ADGRA3: variants seen among roughly 807,000 people sequenced by gnomAD.
ADGRA3 encodes the protein G-protein coupled receptor 125.
In ADGRA3, 56 loss-of-function variants were observed where a neutral mutation model predicts 119.8. The ratio of observed to expected loss-of-function variants is 0.47; its 90% CI spans 0.38 to 0.58. The LOEUF is 0.58. ADGRA3 is among the 20% of genes least tolerant of loss of function. ADGRA3 has a pLI of 0.00. For synonymous variants in ADGRA3, 607 were observed against 623.8 expected (o/e 0.97, Z 0.40); for missense variants, 1,516 against 1,649.0 (o/e 0.92, Z 1.40).
chr4:22,498,426 C>T (rs1222297463), intron 1 of ADGRA3, among the ~76,000 whole-genome samples: 1 of 151,484 alleles, frequency 6.6e-6, no homozygotes, highest in Non-Finnish European at 1.5e-5. Flanking sequence ...CAAGACCAGC[C>T]AGACCAACTT....
intron 12 of ADGRA3, chr4:22,420,284 G>A (rs913181630): frequency 6.6e-6 from 1 of 152,160 alleles, no homozygotes; most frequent in Non-Finnish European, 1.5e-5. Context: ...TCCTCTATTT[G>A]CTTCAATACA....
At chr4:22,432,269 C>A (rs955266123) in intron 10 of ADGRA3, among the ~76,000 whole-genome samples, 1 of 152,106 alleles carries the variant, frequency 6.6e-6, no homozygotes, top group Admixed American at 6.6e-5. Flanking sequence ...CCATTTCAGA[C>A]CTGCTGAAAT....
At chr4:22,477,107 T>C (rs1348622446) in intron 1 of ADGRA3, among the ~76,000 whole-genome samples, 1 of 152,176 alleles carries the variant, frequency 6.6e-6, no homozygotes, top group Non-Finnish European at 1.5e-5. Context: ...TGAGTTTATT[T>C]TGAGTGTATC....
At chr4:22,512,457 A>G (rs1719481582) in intron 1 of ADGRA3, among the ~76,000 whole-genome samples, 2 of 152,200 alleles carry the variant, frequency 1.3e-5, no homozygotes, top group Non-Finnish European at 2.9e-5. Flanking sequence ...ATAGAAAGAA[A>G]TGTCCAAGTC....
intron 14 of ADGRA3, among the ~76,000 whole-genome samples, chr4:22,409,638 A>G (rs964686116): frequency 6.6e-6 from 1 of 152,176 alleles, no homozygotes; most frequent in Non-Finnish European, 1.5e-5. Flanking sequence ...TGGCTGACAC[A>G]TAAGTGCTTA....
intron 1 of ADGRA3, among the ~76,000 whole-genome samples, chr4:22,508,468 C>T (rs1172144098): frequency 6.6e-6 from 1 of 152,192 alleles, no homozygotes; most frequent in African/African-American, 2.4e-5. Flanking sequence ...GTGTTTACAA[C>T]GTAACACTGC....
intron 16 of ADGRA3, chr4:22,398,056 T>C: frequency 1.0e-6 from 1 of 985,004 alleles, no homozygotes; most frequent in Non-Finnish European, 1.2e-6. Flanking sequence ...AGAGGAGCTA[T>C]CTTCTACACA....
chr4:22,495,142 C>T (rs1718766619), intron 1 of ADGRA3, among the ~76,000 whole-genome samples: 1 of 151,986 alleles, frequency 6.6e-6, no homozygotes, highest in Non-Finnish European at 1.5e-5. Flanking sequence ...CATCTAATAA[C>T]CAAGCCAGCT....
At chr4:22,510,578 A>G (rs574407918) in intron 1 of ADGRA3, among the ~76,000 whole-genome samples, 1 of 152,036 alleles carries the variant, frequency 6.6e-6, no homozygotes, top group East Asian at 1.9e-4. Flanking sequence ...TGTGTTTGAA[A>G]TACCACATAC....
At chr4:22,489,353 A>G (rs1168319869) in intron 1 of ADGRA3, among the ~76,000 whole-genome samples, 5 of 152,196 alleles carry the variant, frequency 3.3e-5, no homozygotes, top group Admixed American at 6.5e-5. Flanking sequence ...GTGGGAATAT[A>G]GCCAAACCAT....
At chr4:22,450,919 C>T (rs1316680981) in intron 4 of ADGRA3, among the ~76,000 whole-genome samples, 1 of 118,610 alleles carries the variant, frequency 8.4e-6, no homozygotes, top group Non-Finnish European at 1.7e-5. Flanking sequence ...TGTGTCTATG[C>T]ATTTCTGGAT....
At chr4:22,405,439 G>A (rs906281958) in intron 14 of ADGRA3, among the ~76,000 whole-genome samples, 1 of 151,928 alleles carries the variant, frequency 6.6e-6, no homozygotes, top group African/African-American at 2.4e-5. Context: ...CCAGCTACTT[G>A]GGAGGCTGAA....
intron 12 of ADGRA3, chr4:22,420,592 G>A (rs1564137): frequency 1 from 443,291 of 445,308 alleles, 220,679 homozygotes; most frequent in East Asian, 1. Flanking sequence ...AGTCAAATAA[G>A]ATTTTTTCAC....
chr4:22,451,901 T>C (rs1717058009), intron 4 of ADGRA3, among the ~76,000 whole-genome samples: 1 of 152,224 alleles, frequency 6.6e-6, no homozygotes, highest in Non-Finnish European at 1.5e-5. Flanking sequence ...ATATTCTCTT[T>C]TCTACTCATT....
chr4:22,424,282 T>TG lies in ADGRA3; in HGVS notation c.1513dup (p.Gln505ProfsTer5). ...CCTACTGCAGGCTTTAGCTTCCCTC[T>TG]GCGCCAGCCACAGGACACGTTCATC... is the stretch of plus-strand genomic sequence containing the variant. On this transcript the variant is annotated frameshift_variant, in exon 11 of 19. Coordinates refer to ENST00000334304, the MANE Select transcript of ADGRA3 (RefSeq NM_145290.4). LOFTEE classifies it high-confidence loss of function. The TG allele has an allele frequency of 6.2e-7, 1 of 1,613,870 alleles. No homozygotes were observed. The highest frequency in any genetic ancestry group is 8.5e-7 in the Non-Finnish European group (1 of 1,179,908).
At chr4:22,477,576 T>G (rs989219393) in intron 1 of ADGRA3, 2 of 152,126 alleles carry the variant, frequency 1.3e-5, no homozygotes, top group African/African-American at 4.8e-5. Context: ...AACCCAAACA[T>G]GAGTAGCTTA....
intron 18 of ADGRA3, 60 bp downstream of exon 18, chr4:22,389,028 T>C: frequency 6.3e-7 from 1 of 1,596,582 alleles, no homozygotes. Flanking sequence ...CTGTAATGCC[T>C]AGAAAATACT....
intron 14 of ADGRA3, 137 bp from the exon 15 acceptor site, chr4:22,402,936 T>A (rs987774905): frequency 2.7e-5 from 21 of 773,448 alleles, no homozygotes; most frequent in Non-Finnish European, 3.6e-5. Flanking sequence ...CAGACTAATG[T>A]TTCACGCTAT....
intron 7 of ADGRA3, 76 bp from the exon 8 acceptor site, chr4:22,438,496 TA>T (rs1716485443): frequency 2.6e-6 from 3 of 1,146,172 alleles, no homozygotes; most frequent in African/African-American, 1.6e-5. Context: ...TCTCAATCAT[TA>T]ATTTAGCAAA....
Sources: gnomAD v4.1 joint callset for allele counts (sites outside exome capture counted in the v4.1 genomes callset) on GRCh38, gnomAD v4.1.1 for gene constraint, MANE v1.5 for transcripts, NCBI Gene and HGNC (gene_info 2026-07-23, HGNC 2026-07-21) for gene names.